The following PKIB variants were observed in gnomAD, a reference collection of about 807,000 sequenced individuals.
The protein encoded by PKIB is cAMP-dependent protein kinase inhibitor beta.
PKIB carries 2 observed loss-of-function variants against 4.5 expected under a neutral mutation model. The observed-to-expected ratio is 0.44, with a 90% CI of 0.18 to 1.39. The LOEUF (loss-of-function observed/expected upper bound fraction) is 1.39. Ranked by LOEUF, PKIB falls within the 40% of genes most tolerant of loss-of-function variation. PKIB has a pLI of 0.27. For missense variants in PKIB, 94 were observed against 92.6 expected, an observed-to-expected ratio of 1.02 and a Z score of -0.06; for synonymous variants, 38 against 36.0, an observed-to-expected ratio of 1.06 and a Z score of -0.20.
At chr6:122,575,119 A>G (rs1425017726) in intron 2 of PKIB, among the ~76,000 whole-genome samples, 1 of 152,328 alleles carries the variant, frequency 6.6e-6, no homozygotes, top group Non-Finnish European at 1.5e-5. Context: ...AAACGAAGAT[A>G]CACAAACAGC....
intron 3 of PKIB, among the ~76,000 whole-genome samples, chr6:122,686,788 C>CT (rs997550652): frequency 6.6e-6 from 1 of 152,072 alleles, no homozygotes; most frequent in African/African-American, 2.4e-5. Flanking sequence ...CACATCCAGC[C>CT]TTTTTTGCCC....
intron 2 of PKIB, among the ~76,000 whole-genome samples, chr6:122,541,548 A>T (rs1777602711): frequency 1.3e-5 from 2 of 152,094 alleles, no homozygotes; most frequent in South Asian, 2.1e-4. Context: ...CTGCCGAGAG[A>T]TCCGCTGTTA....
intron 2 of PKIB, among the ~76,000 whole-genome samples, chr6:122,635,217 G>A (rs1487958864): frequency 2.0e-5 from 3 of 152,132 alleles, no homozygotes; most frequent in African/African-American, 7.2e-5. Context: ...GTAACTCTAT[G>A]AGGAAGGTAA....
intron 2 of PKIB, among the ~76,000 whole-genome samples, chr6:122,495,856 C>G (rs1329957452): frequency 6.6e-6 from 1 of 152,120 alleles, no homozygotes; most frequent in Non-Finnish European, 1.5e-5. Flanking sequence ...AGGTGTTTCC[C>G]ATGGCTTTCA....
Position 122,490,043 on chromosome 6 carries a change from T to A in PKIB, c.-248+12104T>A, listed in dbSNP as rs143789125. 1.9e-3 allele frequency among the ~76,000 whole-genome samples: 288 copies of A among 152,338 alleles called. 3 individuals carry two copies. The highest frequency in any genetic ancestry group is 2.3e-3 in the East Asian group (12 of 5,188). ...TATAAAATGGAGTCTGGGAGTTAAA[T>A]ATGCATCCAAGTTCTTCAAAAATAG... On this transcript the variant is annotated intron_variant, in intron 2 of 6. Coordinates refer to the PKIB transcript ENST00000392491.
At chr6:122,717,665 G>A in intron 3 of PKIB, 122 bp from the exon 4 acceptor site, 1 of 914,174 alleles carries the variant, frequency 1.1e-6, no homozygotes, top group Non-Finnish European at 1.7e-6. Flanking sequence ...GATGAAGGTT[G>A]TGATCAATGA....
chr6:122,499,955 A>G (rs1776180018), intron 2 of PKIB, among the ~76,000 whole-genome samples: 1 of 152,192 alleles, frequency 6.6e-6, no homozygotes, highest in Non-Finnish European at 1.5e-5. Flanking sequence ...TACAATAGCC[A>G]CATAAAAATA....
intron 2 of PKIB, among the ~76,000 whole-genome samples, chr6:122,579,607 A>G (rs1445234726): frequency 6.6e-6 from 1 of 152,154 alleles, no homozygotes; most frequent in Non-Finnish European, 1.5e-5. Flanking sequence ...AATATCATGT[A>G]TTTTATGATT....
chr6:122,534,526 T>C (rs1324937956), intron 2 of PKIB, among the ~76,000 whole-genome samples: 3 of 152,128 alleles, frequency 2.0e-5, no homozygotes, highest in African/African-American at 7.2e-5. Context: ...GGCACTGTGG[T>C]AGAAGGGCTA....
chr6:122,515,067 T>C (rs1776706422), intron 2 of PKIB, among the ~76,000 whole-genome samples: 1 of 152,212 alleles, frequency 6.6e-6, no homozygotes, highest in African/African-American at 2.4e-5. Flanking sequence ...GGTATTAGTG[T>C]AGTTTCTTAT....
chr6:122,557,457 A>G (rs970013192), intron 2 of PKIB, among the ~76,000 whole-genome samples: 2 of 152,170 alleles, frequency 1.3e-5, no homozygotes, highest in Admixed American at 6.5e-5. Flanking sequence ...TGAGAACCGT[A>G]TTTCCCAGAA....
chr6:122,536,755 A>G (rs1436597131), intron 2 of PKIB, among the ~76,000 whole-genome samples: 1 of 151,992 alleles, frequency 6.6e-6, no homozygotes, highest in Non-Finnish European at 1.5e-5. Context: ...TAATAATAAT[A>G]ATATTAAAAC....
intron 2 of PKIB, among the ~76,000 whole-genome samples, chr6:122,528,774 C>T (rs1386101164): frequency 2.0e-5 from 3 of 152,064 alleles, no homozygotes; most frequent in Non-Finnish European, 4.4e-5. Flanking sequence ...TGCTTGTAGT[C>T]CTAGCTACTT....
intron 2 of PKIB, among the ~76,000 whole-genome samples, chr6:122,563,127 T>C (rs1280961112): frequency 6.6e-6 from 1 of 152,176 alleles, no homozygotes; most frequent in Non-Finnish European, 1.5e-5. Flanking sequence ...TGAAGGCTGT[T>C]GTTCAGATTC....
At chr6:122,551,624 CA>C (rs1466030221) in intron 2 of PKIB, among the ~76,000 whole-genome samples, 1 of 151,938 alleles carries the variant, frequency 6.6e-6, no homozygotes, top group Non-Finnish European at 1.5e-5. Flanking sequence ...GTGTGGGGAA[CA>C]AAAAAGTCAT....
At chr6:122,637,779 T>A (rs182414881) in intron 2 of PKIB, among the ~76,000 whole-genome samples, 92 of 151,296 alleles carry the variant, frequency 6.1e-4, no homozygotes, top group Admixed American at 1.3e-3. Flanking sequence ...TCATAATAAT[T>A]AATAAATAAA....
At chr6:122,686,405 G>T (rs1263762423) in intron 3 of PKIB, among the ~76,000 whole-genome samples, 1 of 151,984 alleles carries the variant, frequency 6.6e-6, no homozygotes, top group Non-Finnish European at 1.5e-5. Context: ...ATAGACGAAT[G>T]ATATGGAGCA....
intron 1 of PKIB, among the ~76,000 whole-genome samples, chr6:122,610,983 C>T (rs1774730214): frequency 6.6e-6 from 1 of 152,256 alleles, no homozygotes; most frequent in South Asian, 2.1e-4. Flanking sequence ...CTAACCCGCT[C>T]GGCCAGCGTC....
intron 3 of PKIB, among the ~76,000 whole-genome samples, chr6:122,700,412 A>G (rs1239361937): frequency 6.6e-6 from 1 of 151,852 alleles, no homozygotes; most frequent in African/African-American, 2.4e-5. Flanking sequence ...CCCCACAGCA[A>G]TGGTTGCTTT....
Sources: gnomAD v4.1 joint callset for allele counts (sites outside exome capture counted in the v4.1 genomes callset) on GRCh38, gnomAD v4.1.1 for gene constraint, MANE v1.5 for transcripts, NCBI Gene and HGNC (gene_info 2026-07-23, HGNC 2026-07-21) for gene names.